SLC60A1: variants seen among roughly 807,000 people sequenced by gnomAD.
SLC60A1 encodes major facilitator superfamily domain containing 4.
the SLC60A1 span, among the ~76,000 whole-genome samples, chr1:205,592,787 C>T: frequency 6.6e-6 from 1 of 152,112 alleles, no homozygotes; most frequent in Admixed American, 6.6e-5. Context: ...CCGCTTTGTC[C>T]CCATCGTAAC....
At chr1:205,585,034 AC>A in the SLC60A1 span, 2 of 1,506,094 alleles carry the variant, frequency 1.3e-6, no homozygotes, top group Admixed American at 1.7e-5. The surrounding 1 kb of genome is among the most constrained non-coding windows in gnomAD (Gnocchi z 4.2). Flanking sequence ...GGGACCCTTC[AC>A]CCCCAGACTC....
the SLC60A1 span, chr1:205,602,816 T>C: frequency 1.3e-5 from 2 of 152,182 alleles, no homozygotes; most frequent in Middle Eastern, 3.2e-3. Context: ...GAAAGAAGAA[T>C]CAATGGCTAT....
At chr1:205,574,638 G>C in the SLC60A1 span, among the ~76,000 whole-genome samples, 1 of 152,086 alleles carries the variant, frequency 6.6e-6, no homozygotes, top group Non-Finnish European at 1.5e-5. Context: ...ATGGAGAGTG[G>C]CACATTTTGG....
chr1:205,595,646 T>G, the SLC60A1 span, among the ~76,000 whole-genome samples: 3 of 152,232 alleles, frequency 2.0e-5, no homozygotes, highest in Non-Finnish European at 4.4e-5. Flanking sequence ...GCAGTTTCAC[T>G]TCCTTCCCCT....
At chr1:205,577,917 T>G in the SLC60A1 span, among the ~76,000 whole-genome samples, 2 of 152,222 alleles carry the variant, frequency 1.3e-5, no homozygotes, top group Non-Finnish European at 2.9e-5. This position sits in a 1 kb window ranked among gnomAD's most constrained non-coding sequence, Gnocchi z 5.2. Flanking sequence ...CCTTGTCATA[T>G]GAACCAAGTG....
chr1:205,599,235 C>T, the SLC60A1 span: 5 of 1,613,978 alleles, frequency 3.1e-6, no homozygotes, highest in South Asian at 2.2e-5. Flanking sequence ...ACAGGATGCA[C>T]CCTGGACTCC....
the SLC60A1 span, chr1:205,597,562 T>A: frequency 3.3e-5 from 14 of 428,632 alleles, no homozygotes; most frequent in South Asian, 2.6e-4. Flanking sequence ...TTAATTTTTT[T>A]AAATTTTACT....
the SLC60A1 span, among the ~76,000 whole-genome samples, chr1:205,583,734 G>A: frequency 1.3e-5 from 2 of 152,208 alleles, no homozygotes; most frequent in Non-Finnish European, 2.9e-5. Context: ...TTTCAGGGAC[G>A]CGAGTATGGT....
the SLC60A1 span, chr1:205,586,134 T>C: frequency 1.9e-6 from 3 of 1,613,662 alleles, no homozygotes; most frequent in African/African-American, 1.3e-5. Flanking sequence ...TGGGGCTTCA[T>C]CACACTGGGC....
the SLC60A1 span, chr1:205,584,973 C>T: frequency 8.1e-6 from 13 of 1,613,788 alleles, no homozygotes; most frequent in African/African-American, 1.3e-5. Context: ...TGGTACTGTT[C>T]ATGACGGATG....
the SLC60A1 span, chr1:205,602,714 C>CT: frequency 6.6e-6 from 1 of 152,124 alleles, no homozygotes; most frequent in Admixed American, 6.5e-5. Context: ...TAAATGCAGT[C>CT]TGACTGTAGC....
At chr1:205,587,720 C>T in the SLC60A1 span, among the ~76,000 whole-genome samples, 15 of 151,842 alleles carry the variant, frequency 9.9e-5, no homozygotes, top group South Asian at 4.2e-4. Context: ...GGATGGAGAG[C>T]GGGAGTGGAG....
the SLC60A1 span, chr1:205,600,760 TCATG>T: frequency 1.7e-5 from 6 of 357,046 alleles, no homozygotes; most frequent in Non-Finnish European, 3.1e-5. Context: ...ATTTGTCACC[TCATG>T]CATGGACCAT....
chr1:205,592,785 T>TC, the SLC60A1 span, among the ~76,000 whole-genome samples: 22,620 of 152,212 alleles, frequency 0.15, 1,969 homozygotes, highest in East Asian at 0.38. Context: ...ATCCGCTTTG[T>TC]CCCCATCGTA....
the SLC60A1 span, chr1:205,569,200 G>A: frequency 1.3e-6 from 2 of 1,553,432 alleles, no homozygotes; most frequent in African/African-American, 1.4e-5. Context: ...GACCTGCGCT[G>A]TCAGACGCAC....
chr1:205,597,151 T>C, the SLC60A1 span, among the ~76,000 whole-genome samples: 6,847 of 152,208 alleles, frequency 0.045, 258 homozygotes, highest in African/African-American at 0.1. Flanking sequence ...GAAAGGTAGG[T>C]AGCAGTCAGA....
At chr1:205,599,170 G>T in the SLC60A1 span, 1 of 1,614,156 alleles carries the variant, frequency 6.2e-7, no homozygotes, top group Non-Finnish European at 8.5e-7. Flanking sequence ...CCTGGTCTGT[G>T]GCGTGATCTT....
At chr1:205,569,328 CCGCGGCCCCCGGCA>C in the SLC60A1 span, 1 of 1,436,880 alleles carries the variant, frequency 7.0e-7, no homozygotes, top group Non-Finnish European at 9.2e-7. Context: ...CGCCCCCGCC[CCGCGGCCCCCGGCA>C]CCCACCCTCG....
At chr1:205,580,526 G>GGA in the SLC60A1 span, 8 of 1,162,966 alleles carry the variant, frequency 6.9e-6, no homozygotes, top group African/African-American at 7.6e-5. The surrounding 1 kb of genome is among the most constrained non-coding windows in gnomAD (Gnocchi z 5.0). Flanking sequence ...CTGGGCAACA[G>GGA]CCCCTACATG....
Sources: gnomAD v4.1 joint callset for allele counts (sites outside exome capture counted in the v4.1 genomes callset) on GRCh38, gnomAD v4.1.1 for gene constraint, Gnocchi (gnomAD v3.1) non-coding constraint, MANE v1.5 for transcripts, NCBI Gene and HGNC (gene_info 2026-07-23, HGNC 2026-07-21) for gene names.